Variants in SHE observed in about 807,000 individuals in gnomAD.
SHE encodes SH2 domain-containing adapter protein E.
SHE carries 11 observed loss-of-function variants against 49.8 expected under a neutral mutation model. The ratio of observed to expected loss-of-function variants is 0.22; its 90% CI spans 0.14 to 0.37. The LOEUF is 0.37. Ranked by LOEUF, SHE falls within the 10% of genes least tolerant of loss-of-function variation. The pLI is 1.00. For synonymous variants in SHE, 310 were observed against 278.1 expected, an observed-to-expected ratio of 1.11 and a Z score of -1.14; for missense variants, 624 against 655.5, an observed-to-expected ratio of 0.95 and a Z score of 0.52.
At position 154,501,974 on chromosome 1, in the gene SHE, G is replaced by A. The variant is rs1248914217; in HGVS notation, c.53C>T (p.Ser18Leu). The part of the protein sequence containing the change: ...GASACLGWAS[S>L]LACSTAPTLL... ...CGTCGGGGCCGTGGAGCAGGCGAGC[G>A]AGGAAGCCCAGCCCAGACACGCAGA... The change falls in exon 1 of 6, where the codon TCG becomes TTG. Residue 18 changes from serine to leucine, a missense_variant. Physicochemically the swap from Ser to Leu is moderately radical, Grantham distance 145. This residue lies in a region of SHE where 337 missense variants were observed against 306.0 expected (regional missense o/e 1.10). Transcript: ENST00000304760. 4 of 1,421,970 alleles carry A rather than the reference G, an allele frequency of 2.8e-6. No homozygotes were observed. Among genetic ancestry groups the A allele is most frequent in the Admixed American group, 6.3e-5 (2 of 31,948 alleles). 88.1% of individuals were successfully genotyped at this position (1,421,970 alleles called of 1,614,324 possible). A position where few individuals can be genotyped will look rare whatever the true frequency, so the allele number is the denominator to read the frequency against.
chr1:154,483,642 A>G lies in SHE; in HGVS notation c.*507T>C. 3.0e-6 allele frequency: 3 copies of G among 986,612 alleles called. No individual in the cohort carries two copies. Among genetic ancestry groups the G allele is most frequent in the African/African-American group, 1.7e-5 (1 of 57,340 alleles). 61.1% of individuals were successfully genotyped at this position (986,612 alleles called of 1,614,324 possible). On this transcript the variant is annotated 3_prime_UTR_variant, in exon 6 of 6. Coordinates refer to ENST00000304760, the MANE Select transcript of SHE (RefSeq NM_001010846.3). ...AATCATGATTTCTTATTGTAGAACT[A>G]CTTAGCAAGGAAACAAGGGACAGGC...
At position 154,483,566 on chromosome 1, in the gene SHE, G is replaced by A. The variant is rs1692079798; in HGVS notation, c.*583C>T. ...TGAACTCCTGACTTAACCTTCCTGA[G>A]GGTCACACCATAAAAAGAACACCCT... On this transcript the variant is annotated 3_prime_UTR_variant, in exon 6 of 6. Transcript: ENST00000304760. 1.0e-6 allele frequency: 1 copy of A among 985,478 alleles called. No homozygotes were observed. Among genetic ancestry groups the A allele is most frequent in the Non-Finnish European group, 1.2e-6 (1 of 830,048 alleles). The allele number at this position is 985,478 out of a possible 1,614,324, so 61.0% of individuals were successfully genotyped here.
Position 154,501,418 on chromosome 1 carries a change from G to A in SHE, c.591+18C>T, listed in dbSNP as rs781728898. 22 of 1,611,132 alleles carry A rather than the reference G, an allele frequency of 1.4e-5. No homozygotes were observed. Among genetic ancestry groups the A allele is most frequent in the African/African-American group, 2.7e-5 (2 of 74,892 alleles). ...CCCCTTCGACTGAGAGGTGGTCCAA[G>A]GGAGGCTGTATTCTTACCGTCTCTT... On this transcript the variant is annotated intron_variant, in intron 1 of 5. Transcript: ENST00000304760.
In SHE at chr1:154,480,675, A is replaced by C. The variant is rs1328255477; in HGVS notation, c.*3474T>G. 1 of 985,324 alleles carries C rather than the reference A, an allele frequency of 1.0e-6. No homozygotes were observed. The highest frequency in any genetic ancestry group is 1.2e-6 in the Non-Finnish European group (1 of 829,942). The allele number at this position is 985,324 out of a possible 1,614,324, so 61.0% of individuals were successfully genotyped here. On this transcript the variant is annotated 3_prime_UTR_variant, in exon 6 of 6. Transcript: ENST00000304760. The stretch of plus-strand genomic sequence containing the variant: ...AATGCTTAAGAAAGTGCTTTGAATA[A>C]CTTAAAATGACACTTCTGCCCCCAA...
chr1:154,478,955 C>G (rs1048785067), downstream of SHE, among the ~76,000 whole-genome samples: 2 of 152,200 alleles, frequency 1.3e-5, no homozygotes, highest in African/African-American at 4.8e-5. Context: ...GCAGACTCAA[C>G]AGTATGCCCT....
chr1:154,481,706 G>C lies in SHE; in HGVS notation c.*2443C>G. 1 of 958,820 alleles carries C rather than the reference G, an allele frequency of 1.0e-6. No individual in the cohort carries two copies. Among genetic ancestry groups the C allele is most frequent in the Non-Finnish European group, 1.2e-6 (1 of 805,750 alleles). 59.4% of individuals were successfully genotyped at this position (958,820 alleles called of 1,614,324 possible). A position where few individuals can be genotyped will look rare whatever the true frequency, so the allele number is the denominator to read the frequency against. The stretch of plus-strand genomic sequence containing the variant: ...AAACTAAAAATAAGTTTAACACAAT[G>C]AATAATTTGTATAAAGATAATAAAT... On this transcript the variant is annotated 3_prime_UTR_variant, in exon 6 of 6. Coordinates refer to ENST00000304760, the MANE Select transcript of SHE (RefSeq NM_001010846.3).
chr1:154,488,872 A>T (rs1692267949), intron 3 of SHE, among the ~76,000 whole-genome samples, 179 bp downstream of exon 3: 1 of 152,252 alleles, frequency 6.6e-6, no homozygotes, highest in African/African-American at 2.4e-5. Flanking sequence ...GGCGCAAGCC[A>T]CCGTGCCCAG....
At position 154,501,724 on chromosome 1, in the gene SHE, G is replaced by A; in HGVS notation, c.303C>T (p.Ser101=). Residue 101 remains serine (S), a synonymous_variant, in exon 1 of 6, where the codon AGC becomes AGT. Transcript: ENST00000304760. ...CCTGCAGGCTGTCGCGGGACAGCCG[G>A]CTGTCCTTGGGGCCGACGCCGGCCC... ...SGRAGVGPKD[S]RLSRDSLQGL... 1.9e-6 allele frequency: 3 copies of A among 1,598,206 alleles called. No individual in the cohort carries two copies. The South Asian group carries it at 3.3e-5, about 18-fold the overall frequency.
In SHE at chr1:154,486,550, C is replaced by G. The variant is rs756695084; in HGVS notation, c.1158G>C (p.Pro386=). Residue 386 remains proline (P), a synonymous_variant, in exon 4 of 6, where the codon CCG becomes CCC. Coordinates refer to ENST00000304760, the MANE Select transcript of SHE (RefSeq NM_001010846.3). ...ACGGCTGCTTCTCCAGGGGCAGGCC[C>G]GGGTCCACTTTCTCTCCCTCACTGT... ...SDHSEGEKVD[P]GLPLEKQPWY... is the part of the protein sequence containing the mutation. 1.2e-6 allele frequency: 2 copies of G among 1,614,002 alleles called. No individual in the cohort carries two copies. Among genetic ancestry groups the G allele is most frequent in the South Asian group, 1.1e-5 (1 of 91,082 alleles).
At chr1:154,485,908 C>G in intron 5 of SHE, 35 bp downstream of exon 5, 1 of 1,602,480 alleles carries the variant, frequency 6.2e-7, no homozygotes, top group East Asian at 2.2e-5. Context: ...TGTTCCTTCC[C>G]CTTGGAGATG....
At chr1:154,492,336 C>G (rs1010964329) in intron 2 of SHE, among the ~76,000 whole-genome samples, 1 of 152,164 alleles carries the variant, frequency 6.6e-6, no homozygotes, top group African/African-American at 2.4e-5. Flanking sequence ...TTCTAAAGAG[C>G]AGCTAAACCT....
intron 2 of SHE, 25 bp downstream of exon 2, chr1:154,499,087 T>A (rs1480608437): frequency 6.2e-7 from 1 of 1,612,588 alleles, no homozygotes; most frequent in East Asian, 2.2e-5. Context: ...TTTCAGTCTC[T>A]ATTCTGTAGA....
In SHE at chr1:154,501,686, G is replaced by A. The variant is rs777709446; in HGVS notation, c.341C>T (p.Ala114Val). The A allele has an allele frequency of 2.8e-5, 45 of 1,612,876 alleles. No homozygotes were observed. The highest frequency in any genetic ancestry group is 2.8e-5 in the Non-Finnish European group (33 of 1,179,762). The change falls in exon 1 of 6, where the codon GCC becomes GTC. Residue 114 changes from alanine (A) to valine (V), a missense_variant. This residue lies in a region of SHE where 337 missense variants were observed against 306.0 expected (regional missense o/e 1.10). Coordinates refer to ENST00000304760, the MANE Select transcript of SHE (RefSeq NM_001010846.3). The part of the protein sequence containing the change: ...SRDSLQGLIQ[A>V]AAGKGRKNSR... ...GTTTTTGCGGCCCTTGCCCGCGGCG[G>A]CCTGAATCAGACCCTGCAGGCTGTC...
In SHE at chr1:154,482,895, G is replaced by C. The variant is rs1387753647; in HGVS notation, c.*1254C>G. 1.0e-6 allele frequency: 1 copy of C among 985,072 alleles called. No homozygotes were observed. Among genetic ancestry groups the C allele is most frequent in the Non-Finnish European group, 1.2e-6 (1 of 829,818 alleles). 61.0% of individuals were successfully genotyped at this position (985,072 alleles called of 1,614,324 possible). A position where few individuals can be genotyped will look rare whatever the true frequency, so the allele number is the denominator to read the frequency against. ...ACCCAGTTCATATAATCAGATCTTA[G>C]GGTTGCATTTTTAAAAAATTTACTA... On this transcript the variant is annotated 3_prime_UTR_variant, in exon 6 of 6. Transcript: ENST00000304760.
intron 2 of SHE, among the ~76,000 whole-genome samples, chr1:154,489,887 T>C (rs892689567): frequency 1.1e-4 from 16 of 152,228 alleles, no homozygotes; most frequent in African/African-American, 3.9e-4. Context: ...CTGGACACGA[T>C]CATCTGACAC....
chr1:154,501,317 G>A (rs756878042), intron 1 of SHE, 119 bp downstream of exon 1: 28 of 890,826 alleles, frequency 3.1e-5, no homozygotes, highest in Non-Finnish European at 4.6e-5. Context: ...GGTGGAGGGA[G>A]AAAGGACCTT....
intron 1 of SHE, among the ~76,000 whole-genome samples, chr1:154,500,856 G>A (rs926061450): frequency 6.6e-6 from 1 of 152,072 alleles, no homozygotes; most frequent in African/African-American, 2.4e-5. Flanking sequence ...TTCCTCATAT[G>A]GCTGCTGCGC....
chr1:154,483,050 T>C lies in SHE; in HGVS notation c.*1099A>G. ...TCAGTAAAAAAACAGTTGTGGAGCTTTGCAAATTTCCAGAATTTTAAAATT... is the reference window on the plus strand; with the variant it reads ...TCAGTAAAAAAACAGTTGTGGAGCTCTGCAAATTTCCAGAATTTTAAAATT... On this transcript the variant is annotated 3_prime_UTR_variant, in exon 6 of 6. Coordinates refer to ENST00000304760, the MANE Select transcript of SHE (RefSeq NM_001010846.3). The C allele has an allele frequency of 1.0e-6, 1 of 984,950 alleles. No individual in the cohort carries two copies. Among genetic ancestry groups the C allele is most frequent in the Non-Finnish European group, 1.2e-6 (1 of 829,492 alleles). 61.0% of individuals were successfully genotyped at this position (984,950 alleles called of 1,614,324 possible). A position where few individuals can be genotyped will look rare whatever the true frequency, so the allele number is the denominator to read the frequency against.
At position 154,501,451 on chromosome 1, in the gene SHE, A is replaced by T; in HGVS notation, c.576T>A (p.Ile192=). 6.2e-7 allele frequency: 1 copy of T among 1,614,140 alleles called. No homozygotes were observed. The highest frequency in any genetic ancestry group is 1.1e-5 in the South Asian group (1 of 91,080). ...GTATTCTTACCGTCTCTTGCTGCTTAATAATCTTGCCCTTGTCCAGCTCGG... is the reference window on the plus strand; with the variant it reads ...GTATTCTTACCGTCTCTTGCTGCTTTATAATCTTGCCCTTGTCCAGCTCGG... ...LGPELDKGKI[I]KQQETVIILE... The change falls in exon 1 of 6, where the codon ATT becomes ATA. Residue 192 remains isoleucine, a synonymous_variant. Coordinates refer to ENST00000304760, the MANE Select transcript of SHE (RefSeq NM_001010846.3).
Sources: allele counts gnomAD v4.1 joint callset (sites outside exome capture counted in the v4.1 genomes callset), GRCh38; gene constraint gnomAD v4.1.1; regional missense constraint gnomAD v4.1.1; transcripts MANE v1.5; gene names NCBI Gene and HGNC (gene_info 2026-07-23, HGNC 2026-07-21).